Variants in ACTN1 observed in about 807,000 individuals in gnomAD.
ACTN1 encodes actinin alpha 1, also known as alpha-actinin-1.
ACTN1 carries 30 observed loss-of-function variants against 119.6 expected under a neutral mutation model. The observed-to-expected ratio is 0.25, with a 90% confidence interval of 0.19 to 0.34. The LOEUF (loss-of-function observed/expected upper bound fraction) is 0.34, where lower values mean the gene tolerates loss of function less well. Ranked by LOEUF, ACTN1 falls within the 10% of genes least tolerant of loss-of-function variation. The pLI is 1.00. For synonymous variants in ACTN1, 429 were observed against 472.6 expected, an observed-to-expected ratio of 0.91 and a Z score of 1.20; for missense variants, 764 against 1,223.4, an observed-to-expected ratio of 0.62 and a Z score of 5.60.
At position 68,921,102 on chromosome 14, in the gene ACTN1, G is replaced by T. The variant is rs149484448; in HGVS notation, c.244C>A (p.Arg82=). Residue 82 remains arginine (R), a synonymous_variant, in exon 3 of 22, where the codon CGA becomes AGA. Coordinates refer to ENST00000394419, the MANE Select transcript of ACTN1 (RefSeq NM_001130004.2). The stretch of plus-strand genomic sequence containing the variant: ...ATCTTGTGCACTCTCATCTTGCCTC[G>T]CTCTGGCTTGGCCAAGCGTTCACCT... ...ISGERLAKPE[R]GKMRVHKISN... The T allele has an allele frequency of 4.0e-5, 64 of 1,614,120 alleles. 1 individual carries two copies. In the Middle Eastern group the frequency reaches 8.2e-4, roughly 21 times the overall value.
rs1386337954 is a variant in ACTN1, at chr14:68,888,290, G to A, written c.1234+1849C>T. ...GGCCAAACTGCTTTCCCCAGAGGCT[G>A]TGCCAGCATGCCAGCACTTCTCATG... On this transcript the variant is annotated intron_variant, in intron 11 of 21. Coordinates refer to ENST00000394419, the MANE Select transcript of ACTN1 (RefSeq NM_001130004.2). 12 of 310,096 alleles carry A rather than the reference G, an allele frequency of 3.9e-5. No homozygotes were observed. The East Asian group carries it at 1.0e-3, about 27-fold the overall frequency. 19.2% of individuals were successfully genotyped at this position (310,096 alleles called of 1,614,324 possible).
At chr14:68,932,401 G>T (rs145801847) in intron 1 of ACTN1, among the ~76,000 whole-genome samples, 69 of 151,742 alleles carry the variant, frequency 4.5e-4, no homozygotes, top group African/African-American at 1.6e-3. Flanking sequence ...GGCCTACTGT[G>T]GGAGCTCGCC....
At chr14:68,945,306 G>A (rs759969849) in intron 1 of ACTN1, among the ~76,000 whole-genome samples, 9 of 151,578 alleles carry the variant, frequency 5.9e-5, no homozygotes, top group Non-Finnish European at 1.2e-4. Context: ...GGGAAGAAGA[G>A]GGTGCCAGAG....
In ACTN1 at chr14:68,880,794, G is replaced by T; in HGVS notation, c.2133+16C>A. 1 of 1,612,852 alleles carries T rather than the reference G, an allele frequency of 6.2e-7. No individual in the cohort carries two copies. Among genetic ancestry groups the T allele is most frequent in the Non-Finnish European group, 8.5e-7 (1 of 1,179,046 alleles). On this transcript the variant is annotated intron_variant, in intron 17 of 21. Coordinates refer to ENST00000394419, the MANE Select transcript of ACTN1 (RefSeq NM_001130004.2). This position sits in a 1 kb window ranked among gnomAD's most constrained non-coding sequence, Gnocchi z 4.6. ...GCCACGGGCTCCCGAAGAGGAACAAGGCCAGCCCCACCCACCTCCATGGTG... is the reference window on the plus strand; with the variant it reads ...GCCACGGGCTCCCGAAGAGGAACAATGCCAGCCCCACCCACCTCCATGGTG...
intron 4 of ACTN1, among the ~76,000 whole-genome samples, chr14:68,910,519 G>A (rs931663406): frequency 1.3e-5 from 2 of 152,126 alleles, no homozygotes; most frequent in African/African-American, 4.8e-5. Flanking sequence ...AAAAAATAAG[G>A]TTTCCTTATA....
At chr14:68,967,670 G>T (rs1884634) in intron 1 of ACTN1, among the ~76,000 whole-genome samples, 35,461 of 152,228 alleles carry the variant, frequency 0.23, 5,660 homozygotes, top group East Asian at 0.84. Flanking sequence ...ACTGGGCAAG[G>T]CAATGGCCGA....
intron 6 of ACTN1, among the ~76,000 whole-genome samples, chr14:68,907,830 C>T (rs1337421258): frequency 6.6e-6 from 1 of 152,052 alleles, no homozygotes; most frequent in African/African-American, 2.4e-5. Flanking sequence ...GATGAACTGG[C>T]CACTGACACC....
chr14:68,920,675 C>G (rs1446572320), intron 3 of ACTN1, among the ~76,000 whole-genome samples: 1 of 152,186 alleles, frequency 6.6e-6, no homozygotes, highest in Non-Finnish European at 1.5e-5. Context: ...ATACACAAAT[C>G]CTCTGCTCCA....
At chr14:68,921,720 G>A (rs544267831) in intron 2 of ACTN1, among the ~76,000 whole-genome samples, 1 of 152,178 alleles carries the variant, frequency 6.6e-6, no homozygotes, top group African/African-American at 2.4e-5. Flanking sequence ...CTGGGAGGAG[G>A]GTATAGGTCA....
chr14:68,920,998 G>A lies in ACTN1; in HGVS notation c.340+8C>T. 6.2e-7 allele frequency: 1 copy of A among 1,613,972 alleles called. No individual in the cohort carries two copies. Among genetic ancestry groups the A allele is most frequent in the Non-Finnish European group, 8.5e-7 (1 of 1,179,886 alleles). On this transcript the variant is annotated splice_region_variant and intron_variant, in intron 3 of 21. Coordinates refer to ENST00000394419, the MANE Select transcript of ACTN1 (RefSeq NM_001130004.2). ...AGGCTCCTTGGGGCCACCAGAGGTA[G>A]GCCTTACCTTCGGCTCCGATGGACA...
intron 3 of ACTN1, among the ~76,000 whole-genome samples, chr14:68,915,066 A>G (rs1196508801): frequency 6.6e-6 from 1 of 152,108 alleles, no homozygotes; most frequent in Non-Finnish European, 1.5e-5. Flanking sequence ...GCTATTTATC[A>G]CACCCCGTAC....
In ACTN1 at chr14:68,884,261, A is replaced by G. The variant is rs1594758105; in HGVS notation, c.1542T>C (p.Tyr514=). Residue 514 remains tyrosine (Y), a synonymous_variant, in exon 14 of 22, where the codon TAT becomes TAC. Transcript: ENST00000394419. ...TGTTGAAGGGTGCAGCCCGCTTGGCATACTCCAAGTACAGCTGGTCAATGG... is the reference window on the plus strand; with the variant it reads ...TGTTGAAGGGTGCAGCCCGCTTGGCGTACTCCAAGTACAGCTGGTCAATGG... ...LETIDQLYLE[Y]AKRAAPFNNW... is the part of the protein sequence containing the mutation. 6.2e-7 allele frequency: 1 copy of G among 1,614,032 alleles called. No homozygotes were observed. The highest frequency in any genetic ancestry group is 1.3e-5 in the African/African-American group (1 of 75,006).
chr14:68,904,810 G>A, intron 6 of ACTN1, 74 bp from the exon 7 acceptor site: 3 of 1,347,156 alleles, frequency 2.2e-6, no homozygotes, highest in South Asian at 1.2e-5. Context: ...CAATTGGGTG[G>A]CCACCCAAAC....
Position 68,882,383 on chromosome 14 carries a change from G to T in ACTN1, c.1953+75C>A, listed in dbSNP as rs949312577. ...CCATGGGTCCCACCCAGGGAGACAGGCAGCCTGGCTGGCTAGGATAGTGTC... is the reference window on the plus strand; with the variant it reads ...CCATGGGTCCCACCCAGGGAGACAGTCAGCCTGGCTGGCTAGGATAGTGTC... On this transcript the variant is annotated intron_variant, in intron 16 of 21. Coordinates refer to ENST00000394419, the MANE Select transcript of ACTN1 (RefSeq NM_001130004.2). This position sits in a 1 kb window ranked among gnomAD's most constrained non-coding sequence, Gnocchi z 4.5. The T allele has an allele frequency of 3.2e-6, 5 of 1,561,816 alleles. No homozygotes were observed. The highest frequency in any genetic ancestry group is 4.3e-6 in the Non-Finnish European group (5 of 1,149,692).
intron 1 of ACTN1, among the ~76,000 whole-genome samples, chr14:68,971,930 C>T (rs1435787008): frequency 6.6e-6 from 1 of 152,152 alleles, no homozygotes; most frequent in Non-Finnish European, 1.5e-5. Flanking sequence ...CCCACGATTG[C>T]TAGGCAACCT....
intron 1 of ACTN1, among the ~76,000 whole-genome samples, chr14:68,971,809 C>A (rs1056991460): frequency 6.6e-6 from 1 of 152,216 alleles, no homozygotes. Context: ...TAGCCAAGGA[C>A]CAAGGAGGCA....
At chr14:68,943,539 C>T (rs537529219) in intron 1 of ACTN1, among the ~76,000 whole-genome samples, 1 of 152,306 alleles carries the variant, frequency 6.6e-6, no homozygotes, top group African/African-American at 2.4e-5. Flanking sequence ...CCCCTCCCCC[C>T]AACCTTGAAA....
rs1265037640 is a variant in ACTN1 at position 68,879,722 on chromosome 14, C to T, written c.2280+240G>A. ...AGAGCAAGGATCAGGGGTCAAAGGTCCTCTTTCTACCCACAGTCTGAACAC... is the reference window on the plus strand; with the variant it reads ...AGAGCAAGGATCAGGGGTCAAAGGTTCTCTTTCTACCCACAGTCTGAACAC... On this transcript the variant is annotated intron_variant, in intron 18 of 21. Coordinates refer to ENST00000394419, the MANE Select transcript of ACTN1 (RefSeq NM_001130004.2). The surrounding 1 kb of genome is among the most constrained non-coding windows in gnomAD (Gnocchi z 4.9). The T allele has an allele frequency of 2.1e-5, 10 of 480,812 alleles. No homozygotes were observed. The highest frequency in any genetic ancestry group is 3.9e-5 in the African/African-American group (2 of 51,418). 29.8% of individuals were successfully genotyped at this position (480,812 alleles called of 1,614,324 possible). A position where few individuals can be genotyped will look rare whatever the true frequency, so the allele number is the denominator to read the frequency against.
At chr14:68,950,467 T>C (rs547624287) in intron 1 of ACTN1, among the ~76,000 whole-genome samples, 1 of 148,592 alleles carries the variant, frequency 6.7e-6, no homozygotes, top group Non-Finnish European at 1.5e-5. Flanking sequence ...TGTGTGTATA[T>C]ATATATATAT....
Sources: allele counts gnomAD v4.1 joint callset (sites outside exome capture counted in the v4.1 genomes callset), GRCh38; gene constraint gnomAD v4.1.1; non-coding constraint Gnocchi (gnomAD v3.1); transcripts MANE v1.5; gene names NCBI Gene and HGNC (gene_info 2026-07-23, HGNC 2026-07-21).